Variants in DPP10 observed in about 807,000 individuals in gnomAD.
DPP10 encodes dipeptidyl peptidase like 10, also known as inactive dipeptidyl peptidase 10.
A neutral mutation model predicts 120.9 loss-of-function variants in DPP10; 33 were observed. The observed-to-expected ratio is 0.27, with a 90% CI of 0.21 to 0.37. The LOEUF (loss-of-function observed/expected upper bound fraction) is 0.37, where lower values mean the gene tolerates loss of function less well. Ranked by LOEUF, DPP10 falls within the 10% of genes least tolerant of loss-of-function variation. The pLI, the probability that DPP10 is intolerant of heterozygous loss-of-function variation, is 1.00. For synonymous variants in DPP10, 337 were observed against 326.1 expected, an observed-to-expected ratio of 1.03 and a Z score of -0.36; for missense variants, 816 against 942.8, an observed-to-expected ratio of 0.87 and a Z score of 1.76.
chr2:115,661,526 C>T (rs554156259), intron 5 of DPP10, among the ~76,000 whole-genome samples: 4 of 152,186 alleles, frequency 2.6e-5, no homozygotes, highest in Admixed American at 1.3e-4. Flanking sequence ...AAGTTCCTAG[C>T]ATAGAAGTGG....
intron 5 of DPP10, among the ~76,000 whole-genome samples, chr2:115,568,891 T>C (rs1558863155): frequency 6.6e-6 from 1 of 152,118 alleles, no homozygotes; most frequent in Non-Finnish European, 1.5e-5. Context: ...TAGTGAGAAG[T>C]CTCATTTCTA....
intron 5 of DPP10, 27 bp downstream of exon 5, chr2:115,525,999 A>T: frequency 6.3e-7 from 1 of 1,575,300 alleles, no homozygotes; most frequent in Non-Finnish European, 8.6e-7. Context: ...CTTTGAGAAT[A>T]CTTTTCTTTG....
At chr2:115,797,068 T>G (rs1684620122) in intron 19 of DPP10, among the ~76,000 whole-genome samples, 1 of 152,078 alleles carries the variant, frequency 6.6e-6, no homozygotes, top group Admixed American at 6.6e-5. Flanking sequence ...TCTTATGAAC[T>G]TTTCTTCTTT....
At chr2:115,385,156 G>T (rs569556522) in intron 3 of DPP10, among the ~76,000 whole-genome samples, 1 of 152,148 alleles carries the variant, frequency 6.6e-6, no homozygotes, top group East Asian at 1.9e-4. Context: ...CATGAAAACG[G>T]ACTAATACAG....
At chr2:115,827,831 A>G (rs900550706) in intron 21 of DPP10, among the ~76,000 whole-genome samples, 1 of 152,054 alleles carries the variant, frequency 6.6e-6, no homozygotes, top group Admixed American at 6.6e-5. Flanking sequence ...TCCTGACCTC[A>G]GGTGATCCAC....
At chr2:115,600,294 A>G (rs1188465942) in intron 5 of DPP10, among the ~76,000 whole-genome samples, 1 of 152,060 alleles carries the variant, frequency 6.6e-6, no homozygotes, top group Non-Finnish European at 1.5e-5. Flanking sequence ...TGTTTTTTTA[A>G]GAGCTTACTC....
At chr2:115,377,837 A>C (rs899395776) in intron 3 of DPP10, among the ~76,000 whole-genome samples, 2 of 152,094 alleles carry the variant, frequency 1.3e-5, no homozygotes, top group Non-Finnish European at 2.9e-5. Flanking sequence ...TGTTTTTGTC[A>C]GGTTTGTCAA....
intron 1 of DPP10, among the ~76,000 whole-genome samples, chr2:114,873,247 C>T (rs1690845334): frequency 6.6e-6 from 1 of 152,070 alleles, no homozygotes; most frequent in South Asian, 2.1e-4. Flanking sequence ...CAAAAGGTGG[C>T]ACATGTTCCT....
At chr2:115,616,811 T>G (rs1375240113) in intron 5 of DPP10, among the ~76,000 whole-genome samples, 1 of 152,142 alleles carries the variant, frequency 6.6e-6, no homozygotes, top group Non-Finnish European at 1.5e-5. Context: ...GTGTTATTTT[T>G]ATGACACATA....
chr2:115,004,817 G>C (rs948240870), intron 1 of DPP10, among the ~76,000 whole-genome samples: 5 of 152,172 alleles, frequency 3.3e-5, no homozygotes, highest in African/African-American at 9.7e-5. Flanking sequence ...GCCCAGGCTT[G>C]CTTAGGTAAA....
chr2:115,102,493 C>T (rs1252389819), intron 1 of DPP10, among the ~76,000 whole-genome samples: 1 of 152,108 alleles, frequency 6.6e-6, no homozygotes, highest in Non-Finnish European at 1.5e-5. Flanking sequence ...TCACTGCAAC[C>T]TCCACCTCCC....
intron 5 of DPP10, among the ~76,000 whole-genome samples, chr2:115,668,218 A>T (rs574672217): frequency 6.6e-6 from 1 of 152,170 alleles, no homozygotes; most frequent in South Asian, 2.1e-4. Flanking sequence ...CTATGGTTTG[A>T]ATGTTCCCGC....
chr2:114,758,328 A>G (rs1418398507), intron 1 of DPP10, among the ~76,000 whole-genome samples: 1 of 152,218 alleles, frequency 6.6e-6, no homozygotes, highest in Non-Finnish European at 1.5e-5. Flanking sequence ...CCATTGACAT[A>G]GCATATGCTG....
intron 1 of DPP10, among the ~76,000 whole-genome samples, chr2:114,824,083 T>G (rs1686323964): frequency 6.6e-6 from 1 of 152,224 alleles, no homozygotes; most frequent in Non-Finnish European, 1.5e-5. Flanking sequence ...TTTCCTCAGC[T>G]TCTACTTACC....
intron 1 of DPP10, among the ~76,000 whole-genome samples, chr2:114,536,178 T>C (rs1686469003): frequency 6.6e-6 from 1 of 152,094 alleles, no homozygotes; most frequent in Non-Finnish European, 1.5e-5. Context: ...AGCCCCATGA[T>C]TTTATTCCTC....
At chr2:115,076,988 T>C (rs1456279350) in intron 1 of DPP10, among the ~76,000 whole-genome samples, 2 of 152,244 alleles carry the variant, frequency 1.3e-5, no homozygotes, top group Non-Finnish European at 2.9e-5. Flanking sequence ...TATTTTTCCA[T>C]ATTTCTGCAA....
chr2:114,776,317 A>G (rs111395934), intron 1 of DPP10, among the ~76,000 whole-genome samples: 9 of 152,272 alleles, frequency 5.9e-5, no homozygotes, highest in African/African-American at 2.2e-4. Flanking sequence ...GAATGATGCC[A>G]TGGCATTCCA....
chr2:114,738,415 T>C (rs10186569), intron 1 of DPP10, among the ~76,000 whole-genome samples: 6,486 of 152,264 alleles, frequency 0.043, 487 homozygotes, highest in African/African-American at 0.15. Context: ...TGGGACACCT[T>C]CCAGATACAT....
intron 1 of DPP10, among the ~76,000 whole-genome samples, chr2:115,236,801 A>G (rs1418153537): frequency 1.0e-5 from 1 of 98,830 alleles, no homozygotes; most frequent in Non-Finnish European, 2.7e-5. Context: ...AAGCTAGTTA[A>G]CTCTGATATC....
Sources: gnomAD v4.1 joint callset for allele counts (sites outside exome capture counted in the v4.1 genomes callset) on GRCh38, gnomAD v4.1.1 for gene constraint, MANE v1.5 for transcripts, NCBI Gene and HGNC (gene_info 2026-07-23, HGNC 2026-07-21) for gene names.